The following TMTC2 variants were observed in gnomAD, a reference collection of about 807,000 sequenced individuals.
TMTC2 encodes the protein protein O-mannosyl-transferase TMTC2.
TMTC2 carries 43 observed loss-of-function variants against 82.4 expected under a neutral mutation model. The observed-to-expected ratio is 0.52, with a 90% CI of 0.41 to 0.67. The LOEUF (loss-of-function observed/expected upper bound fraction) is 0.67, where lower values mean the gene tolerates loss of function less well. TMTC2 is among the 30% of genes least tolerant of loss of function. TMTC2 has a pLI of 0.00. For synonymous variants in TMTC2, 408 were observed against 381.9 expected (o/e 1.07, Z -0.80); for missense variants, 919 against 1,012.4 (o/e 0.91, Z 1.25).
At chr12:82,719,692 A>G (rs1486791267) in intron 1 of TMTC2, among the ~76,000 whole-genome samples, 1 of 84,962 alleles carries the variant, frequency 1.2e-5, no homozygotes, top group African/African-American at 4.5e-5. Flanking sequence ...TTTTTTTCGT[A>G]ATGTCATAGT....
At chr12:83,128,851 G>A (rs1885174628) in intron 11 of TMTC2, among the ~76,000 whole-genome samples, 1 of 152,120 alleles carries the variant, frequency 6.6e-6, no homozygotes, top group Non-Finnish European at 1.5e-5. Flanking sequence ...AAAAGATAAA[G>A]CCCCTGTCTT....
At chr12:82,992,076 A>G (rs1879425358) in intron 8 of TMTC2, among the ~76,000 whole-genome samples, 1 of 152,176 alleles carries the variant, frequency 6.6e-6, no homozygotes, top group African/African-American at 2.4e-5. Flanking sequence ...GCATGAGAGC[A>G]CTGAGCCAGA....
intron 1 of TMTC2, among the ~76,000 whole-genome samples, chr12:82,837,918 G>T (rs1330237784): frequency 2.0e-5 from 3 of 152,162 alleles, no homozygotes; most frequent in Non-Finnish European, 4.4e-5. Context: ...AGCAGCACTA[G>T]AACAGTAGTT....
intron 2 of TMTC2, among the ~76,000 whole-genome samples, chr12:82,876,781 C>G (rs1872605164): frequency 1.3e-5 from 2 of 152,118 alleles, no homozygotes; most frequent in African/African-American, 4.8e-5. Context: ...GCTGCTGGCT[C>G]TATGAGGCAG....
At chr12:82,712,429 CAAA>C (rs58906003) in intron 1 of TMTC2, among the ~76,000 whole-genome samples, 6 of 71,684 alleles carry the variant, frequency 8.4e-5, no homozygotes, top group South Asian at 5.5e-4. Context: ...AACTCCGTCT[CAAA>C]AAAAAAAAAA....
At chr12:82,832,158 C>A (rs1340396969) in intron 1 of TMTC2, among the ~76,000 whole-genome samples, 1 of 152,098 alleles carries the variant, frequency 6.6e-6, no homozygotes. Flanking sequence ...TTCACGGACT[C>A]AAACATGCTA....
chr12:82,754,019 G>A (rs931655714), intron 1 of TMTC2, among the ~76,000 whole-genome samples: 1 of 152,164 alleles, frequency 6.6e-6, no homozygotes, highest in Non-Finnish European at 1.5e-5. Context: ...AAATAGAGAT[G>A]TCACCAGAAT....
intron 2 of TMTC2, among the ~76,000 whole-genome samples, chr12:82,888,720 G>C (rs1217256973): frequency 6.6e-6 from 1 of 152,164 alleles, no homozygotes; most frequent in African/African-American, 2.4e-5. Flanking sequence ...TCATTTATTT[G>C]AATTCCTACA....
At chr12:82,901,663 T>G (rs921220089) in intron 3 of TMTC2, among the ~76,000 whole-genome samples, 1 of 152,154 alleles carries the variant, frequency 6.6e-6, no homozygotes, top group African/African-American at 2.4e-5. Flanking sequence ...TGTACTTTTT[T>G]CTTTCGACTC....
intron 1 of TMTC2, among the ~76,000 whole-genome samples, chr12:82,772,720 A>T (rs1000021888): frequency 6.6e-6 from 1 of 152,304 alleles, no homozygotes; most frequent in East Asian, 1.9e-4. Context: ...AATAAATTTA[A>T]TTCTTTTTTT....
intron 11 of TMTC2, among the ~76,000 whole-genome samples, chr12:83,108,516 G>T (rs887637001): frequency 6.6e-6 from 1 of 152,026 alleles, no homozygotes; most frequent in Admixed American, 6.5e-5. Flanking sequence ...TGTAGTCCCG[G>T]CTACTCGGGA....
intron 11 of TMTC2, among the ~76,000 whole-genome samples, chr12:83,116,459 G>T (rs1015017563): frequency 3.9e-5 from 6 of 152,174 alleles, no homozygotes; most frequent in Non-Finnish European, 4.4e-5. Context: ...ACCCACTAGT[G>T]GGATTGCTGG....
chr12:83,074,710 G>A, intron 11 of TMTC2, among the ~76,000 whole-genome samples: 1 of 152,032 alleles, frequency 6.6e-6, no homozygotes, highest in Non-Finnish European at 1.5e-5. Flanking sequence ...ACCCACCCAT[G>A]CACACTAAAC....
At chr12:82,829,823 T>C (rs1869652730) in intron 1 of TMTC2, among the ~76,000 whole-genome samples, 1 of 151,894 alleles carries the variant, frequency 6.6e-6, no homozygotes, top group South Asian at 2.1e-4. Context: ...GTCAACTAGG[T>C]GAAGGTGGGT....
At chr12:82,766,324 T>A (rs990099083) in intron 1 of TMTC2, among the ~76,000 whole-genome samples, 1 of 152,132 alleles carries the variant, frequency 6.6e-6, no homozygotes, top group African/African-American at 2.4e-5. Flanking sequence ...TAGGGAGAAT[T>A]CCAATGAGCT....
At chr12:82,962,245 TTTAG>T (rs1877974006) in intron 4 of TMTC2, among the ~76,000 whole-genome samples, 1 of 152,068 alleles carries the variant, frequency 6.6e-6, no homozygotes, top group East Asian at 1.9e-4. Context: ...GATTTTGGGC[TTTAG>T]GTACATTGTC....
intron 1 of TMTC2, among the ~76,000 whole-genome samples, chr12:82,826,260 T>C (rs7315531): frequency 0.16 from 24,344 of 152,102 alleles, 3,498 homozygotes; most frequent in African/African-American, 0.39. Flanking sequence ...CTTCTTATGG[T>C]GAGTTTAGAT....
chr12:83,057,247 G>A (rs1180898234), intron 10 of TMTC2, among the ~76,000 whole-genome samples: 1 of 151,934 alleles, frequency 6.6e-6, no homozygotes, highest in African/African-American at 2.4e-5. Flanking sequence ...TGAAAGAATA[G>A]TCTTAAACTG....
chr12:82,929,714 G>A (rs1179978395), intron 3 of TMTC2, among the ~76,000 whole-genome samples: 1 of 152,090 alleles, frequency 6.6e-6, no homozygotes, highest in Non-Finnish European at 1.5e-5. Flanking sequence ...AAGGTTGAGG[G>A]CAAGGTTCAC....
Sources: allele counts gnomAD v4.1 joint callset (sites outside exome capture counted in the v4.1 genomes callset), GRCh38; gene constraint gnomAD v4.1.1; transcripts MANE v1.5; gene names NCBI Gene and HGNC (gene_info 2026-07-23, HGNC 2026-07-21).